Variants in PTPRU observed in about 807,000 individuals in gnomAD.
PTPRU encodes protein tyrosine phosphatase receptor type U.
A neutral mutation model predicts 166.3 loss-of-function variants in PTPRU; 69 were observed. The ratio of observed to expected loss-of-function variants is 0.41; its 90% CI spans 0.34 to 0.51. The LOEUF (loss-of-function observed/expected upper bound fraction) is 0.51. Among genes scored for constraint, PTPRU ranks in the 20% least tolerant of loss-of-function variants. PTPRU has a pLI of 0.09. For missense variants in PTPRU, 1,657 were observed against 2,013.7 expected (o/e 0.82, Z 3.39); for synonymous variants, 793 against 814.0 (o/e 0.97, Z 0.44).
At position 29,291,371 on chromosome 1, in the gene PTPRU, G is replaced by A. The variant is rs2151957740; in HGVS notation, c.2319-498G>A. Among the ~76,000 whole-genome samples the A allele has an allele frequency of 6.7e-6, 1 of 150,086 alleles. No homozygotes were observed. The highest frequency in any genetic ancestry group is 2.1e-4 in the South Asian group (1 of 4,816). On this transcript the variant is annotated intron_variant, in intron 14 of 29. Coordinates refer to ENST00000373779, the MANE Select transcript of PTPRU (RefSeq NM_133178.4). This position sits in a 1 kb window ranked among gnomAD's most constrained non-coding sequence, Gnocchi z 4.1. ...AGCTAGACTCTCTGCGGGGAAGGAG[G>A]GGTGTAGTCCCTCCTTCCTGCAGGA... is the stretch of plus-strand genomic sequence containing the variant.
chr1:29,325,095 C>T (rs1322072951), intron 28 of PTPRU, 96 bp from the exon 29 acceptor site: 6 of 1,513,682 alleles, frequency 4.0e-6, no homozygotes, highest in East Asian at 4.5e-5. Context: ...CGTCCCTCTC[C>T]TCTAGGCTCT....
intron 7 of PTPRU, among the ~76,000 whole-genome samples, chr1:29,261,975 C>T (rs1397497927): frequency 6.6e-6 from 1 of 152,188 alleles, no homozygotes; most frequent in Non-Finnish European, 1.5e-5. Context: ...ATATCACAGT[C>T]AAGATATTCA....
intron 8 of PTPRU, 22 bp from the exon 9 acceptor site, chr1:29,278,990 C>T (rs1454943013): frequency 1.9e-6 from 3 of 1,554,820 alleles, no homozygotes; most frequent in African/African-American, 1.4e-5. Flanking sequence ...TTCCCCTGGC[C>T]CCTGCTGCCT....
Position 29,320,605 on chromosome 1 carries a change from G to A in PTPRU, c.3688-80G>A, listed in dbSNP as rs527851572. 92 of 1,437,134 alleles carry A rather than the reference G, an allele frequency of 6.4e-5. 1 individual carries two copies. In the South Asian group the frequency reaches 8.6e-4, roughly 13 times the overall value. 89.0% of individuals were successfully genotyped at this position (1,437,134 alleles called of 1,614,324 possible). A position where few individuals can be genotyped will look rare whatever the true frequency, so the allele number is the denominator to read the frequency against. On this transcript the variant is annotated intron_variant, in intron 25 of 29. Coordinates refer to ENST00000373779, the MANE Select transcript of PTPRU (RefSeq NM_133178.4). The surrounding 1 kb of genome is among the most constrained non-coding windows in gnomAD (Gnocchi z 5.2). ...CCGTCCAACTCAGGGTGGGCAGTGCGGGAAGACAGCCTGGGGCAGAGGCTC... is the reference window on the plus strand; with the variant it reads ...CCGTCCAACTCAGGGTGGGCAGTGCAGGAAGACAGCCTGGGGCAGAGGCTC...
chr1:29,311,724 G>A lies in PTPRU; in HGVS notation c.3037G>A (p.Ala1013Thr). Residue 1013 changes from alanine (A) to threonine (T), a missense_variant, in exon 21 of 30, where the codon GCT becomes ACT. Physicochemically the swap from Ala to Thr is moderately conservative, Grantham distance 58 (BLOSUM62 0). This residue lies in a region of PTPRU where 1,190 missense variants were observed against 1,477.4 expected (regional missense o/e 0.81). Coordinates refer to ENST00000373779, the MANE Select transcript of PTPRU (RefSeq NM_133178.4). The surrounding 1 kb of genome is among the most constrained non-coding windows in gnomAD (Gnocchi z 4.1). Reference sequence around the variant, plus strand: ...TATGCTGGTGAAGACAGAGACCCTGGCTGAGTATGTCGTGCGCACTTTTGC... The same window carrying A: ...TATGCTGGTGAAGACAGAGACCCTGACTGAGTATGTCGTGCGCACTTTTGC... ...KIMLVKTETL[A>T]EYVVRTFALE... 6.2e-7 allele frequency: 1 copy of A among 1,614,218 alleles called. No individual in the cohort carries two copies. Among genetic ancestry groups the A allele is most frequent in the Non-Finnish European group, 8.5e-7 (1 of 1,180,032 alleles).
At chr1:29,266,991 G>C (rs868030823) in intron 7 of PTPRU, among the ~76,000 whole-genome samples, 1 of 152,170 alleles carries the variant, frequency 6.6e-6, no homozygotes, top group South Asian at 2.1e-4. Context: ...TTGGGAGGCT[G>C]AGATGGGAGG....
chr1:29,302,534 G>T (rs1038466100), intron 15 of PTPRU, among the ~76,000 whole-genome samples: 2 of 152,034 alleles, frequency 1.3e-5, no homozygotes, highest in African/African-American at 4.8e-5. Flanking sequence ...TTATACAGGT[G>T]TATCATTTAT....
At chr1:29,295,181 G>A (rs867748645) in intron 15 of PTPRU, among the ~76,000 whole-genome samples, 2 of 151,632 alleles carry the variant, frequency 1.3e-5, no homozygotes, top group African/African-American at 4.8e-5. Flanking sequence ...GACTACAGGG[G>A]CGCACCACCA....
chr1:29,259,364 G>A (rs370199975), intron 4 of PTPRU, 22 bp downstream of exon 4: 81 of 1,612,520 alleles, frequency 5.0e-5, no homozygotes, highest in Non-Finnish European at 6.4e-5. Context: ...CCCACTGGGG[G>A]CGCAGGGGTA....
In PTPRU at chr1:29,257,789, T is replaced by C. The variant is rs1330644095; in HGVS notation, c.206-716T>C. ...CAGGGGGCAGGAGAGAAGCCCAGGGTGGGAGGCAGAGGGAGGGCTTTGGAA... is the reference window on the plus strand; with the variant it reads ...CAGGGGGCAGGAGAGAAGCCCAGGGCGGGAGGCAGAGGGAGGGCTTTGGAA... On this transcript the variant is annotated intron_variant, in intron 2 of 29. Transcript: ENST00000373779. This position sits in a 1 kb window ranked among gnomAD's most constrained non-coding sequence, Gnocchi z 4.6. Among the ~76,000 whole-genome samples the C allele has an allele frequency of 1.3e-5, 2 of 151,580 alleles. No homozygotes were observed. The highest frequency in any genetic ancestry group is 6.6e-5 in the Admixed American group (1 of 15,216).
At chr1:29,263,239 C>T (rs1420964960) in intron 7 of PTPRU, among the ~76,000 whole-genome samples, 1 of 152,216 alleles carries the variant, frequency 6.6e-6, no homozygotes. Context: ...CCTGCCTTAG[C>T]CTCCCAAAGT....
intron 12 of PTPRU, 161 bp from the exon 13 acceptor site, chr1:29,283,779 C>T: frequency 2.5e-6 from 2 of 802,764 alleles, no homozygotes; most frequent in East Asian, 2.5e-5. Context: ...GCCCCGCTCT[C>T]AAGGGTCCCC....
At chr1:29,268,774 C>T (rs761953766) in intron 7 of PTPRU, among the ~76,000 whole-genome samples, 11 of 152,148 alleles carry the variant, frequency 7.2e-5, no homozygotes, top group African/African-American at 9.7e-5. Context: ...CACAGGGTTC[C>T]GCAGAGGATC....
chr1:29,265,193 G>A (rs1290177794), intron 7 of PTPRU, among the ~76,000 whole-genome samples: 1 of 152,138 alleles, frequency 6.6e-6, no homozygotes, highest in Non-Finnish European at 1.5e-5. Flanking sequence ...TGGCTGTGTT[G>A]TTTTATACTC....
At chr1:29,281,844 C>T (rs4654299) in intron 11 of PTPRU, among the ~76,000 whole-genome samples, 10 of 152,050 alleles carry the variant, frequency 6.6e-5, no homozygotes, top group Admixed American at 1.3e-4. Context: ...GGATGTCACA[C>T]GCCAAGACGT....
Position 29,324,948 on chromosome 1 carries a change from G to C in PTPRU, c.4113-243G>C, listed in dbSNP as rs77338005. Reference sequence around the variant, plus strand: ...TTCCTAGCTCTGCCCCTCATCTCTGGGCTCTTTGGCCTCTTCCTTCTGGGT... The same window carrying C: ...TTCCTAGCTCTGCCCCTCATCTCTGCGCTCTTTGGCCTCTTCCTTCTGGGT... On this transcript the variant is annotated intron_variant, in intron 28 of 29. Coordinates refer to ENST00000373779, the MANE Select transcript of PTPRU (RefSeq NM_133178.4). Among the ~76,000 whole-genome samples, 627 of 149,152 alleles carry C rather than the reference G, an allele frequency of 4.2e-3. 1 individual carries two copies. The highest frequency in any genetic ancestry group is 7.6e-3 in the Non-Finnish European group (513 of 67,446).
Position 29,259,868 on chromosome 1 carries a change from A to AGCG in PTPRU, c.677_679dup. The AGCG allele has an allele frequency of 6.5e-7, 1 of 1,529,138 alleles. No homozygotes were observed. The highest frequency in any genetic ancestry group is 8.7e-7 in the Non-Finnish European group (1 of 1,144,312). The allele number at this position is 1,529,138 out of a possible 1,614,324, so 94.7% of individuals were successfully genotyped here. The stretch of plus-strand genomic sequence containing the variant: ...CTGACCCCCTCACTCTCTTCCCTGC[A>AGCG]GCGGCAGAGCGGGGCGCTGGTGCCG... On this transcript the variant is annotated splice_acceptor_variant, in intron 5 of 29. Transcript: ENST00000373779. LOFTEE classifies it high-confidence loss of function.
At chr1:29,284,467 C>T (rs537596248) in intron 13 of PTPRU, among the ~76,000 whole-genome samples, 149 of 152,286 alleles carry the variant, frequency 9.8e-4, no homozygotes, top group African/African-American at 3.4e-3. Flanking sequence ...CCCCTATCCA[C>T]TGAGAGCTGG....
At chr1:29,259,218 TG>T (rs1229511472) in intron 3 of PTPRU, 42 bp from the exon 4 acceptor site, 2 of 1,574,722 alleles carry the variant, frequency 1.3e-6, no homozygotes, top group Admixed American at 3.5e-5. Flanking sequence ...CAGGCAAGGC[TG>T]GAGGAATATC....
Sources: gnomAD v4.1 joint callset for allele counts (sites outside exome capture counted in the v4.1 genomes callset) on GRCh38, gnomAD v4.1.1 for gene constraint, gnomAD v4.1.1 regional missense constraint, Gnocchi (gnomAD v3.1) non-coding constraint, MANE v1.5 for transcripts, NCBI Gene and HGNC (gene_info 2026-07-23, HGNC 2026-07-21) for gene names.